NOL10: variants seen among roughly 807,000 people sequenced by gnomAD.
NOL10 encodes the protein nucleolar protein 10.
Under a neutral mutation model 103.5 loss-of-function variants are expected in NOL10, and 58 were observed. That is an observed-to-expected ratio of 0.56 (90% CI 0.45 to 0.70). The LOEUF (loss-of-function observed/expected upper bound fraction) is 0.70, where lower values mean the gene tolerates loss of function less well. Ranked by LOEUF, NOL10 falls within the 30% of genes least tolerant of loss-of-function variation. The pLI, the probability that NOL10 is intolerant of heterozygous loss-of-function variation, is 0.00. For synonymous variants in NOL10, 287 were observed against 282.5 expected (o/e 1.02, Z -0.16); for missense variants, 763 against 807.3 (o/e 0.95, Z 0.67).
Position 10,642,232 on chromosome 2 carries a change from C to T in NOL10, c.1026+2088G>A, listed in dbSNP as rs527236534. Among the ~76,000 whole-genome samples the T allele has an allele frequency of 1.6e-4, 25 of 152,262 alleles. 1 individual carries two copies. The South Asian group carries it at 5.0e-3, about 30-fold the overall frequency. On this transcript the variant is annotated intron_variant, in intron 13 of 20. Coordinates refer to ENST00000381685, the MANE Select transcript of NOL10 (RefSeq NM_024894.4). The stretch of plus-strand genomic sequence containing the variant: ...ATCAATGAACACCTCTGAGACATGC[C>T]ACCAGGCAATTCAAGGATGAATCGT...
intron 13 of NOL10, among the ~76,000 whole-genome samples, chr2:10,610,076 T>C (rs1183278855): frequency 6.6e-6 from 1 of 152,214 alleles, no homozygotes; most frequent in African/African-American, 2.4e-5. Flanking sequence ...AACACTCAAA[T>C]ACCTCACCAT....
chr2:10,656,409 C>T (rs1042582965), intron 11 of NOL10, among the ~76,000 whole-genome samples: 2 of 152,124 alleles, frequency 1.3e-5, no homozygotes, highest in Non-Finnish European at 2.9e-5. Context: ...AGACTGAAAG[C>T]CTGTCTTTTC....
chr2:10,620,708 T>C (rs1572306312), intron 13 of NOL10, among the ~76,000 whole-genome samples: 1 of 151,064 alleles, frequency 6.6e-6, no homozygotes, highest in Non-Finnish European at 1.5e-5. Context: ...CCCACAAACA[T>C]GTGATAATAT....
chr2:10,579,208 CA>C (rs1213161921), intron 19 of NOL10, among the ~76,000 whole-genome samples: 1 of 152,168 alleles, frequency 6.6e-6, no homozygotes, highest in Non-Finnish European at 1.5e-5. Flanking sequence ...AAGTGGTTAG[CA>C]TAAAAGTGGC....
intron 10 of NOL10, among the ~76,000 whole-genome samples, chr2:10,658,417 A>G (rs778416796): frequency 6.6e-6 from 1 of 152,174 alleles, no homozygotes; most frequent in Non-Finnish European, 1.5e-5. Context: ...TGACAAAGAA[A>G]GTAAATCCTC....
chr2:10,607,762 A>ATTATTATTG (rs1467779127), intron 13 of NOL10, among the ~76,000 whole-genome samples: 1 of 149,434 alleles, frequency 6.7e-6, no homozygotes, highest in African/African-American at 2.4e-5. Flanking sequence ...TATTATTATT[A>ATTATTATTG]TTATTATTAT....
chr2:10,584,053 G>A (rs1674897758), intron 19 of NOL10, among the ~76,000 whole-genome samples: 1 of 152,156 alleles, frequency 6.6e-6, no homozygotes. Flanking sequence ...GCTGTAGGAA[G>A]GCACCCCCAA....
rs1166412926 is a variant in NOL10, at chr2:10,571,287, C to T, written c.*784G>A. On this transcript the variant is annotated 3_prime_UTR_variant, in exon 21 of 21. Coordinates refer to ENST00000381685, the MANE Select transcript of NOL10 (RefSeq NM_024894.4). ...TTTGCCCTCCTCCTCTGGCTCTAGCCACGCAGGACATACCTGCTTCCGCTT... is the reference window on the plus strand; with the variant it reads ...TTTGCCCTCCTCCTCTGGCTCTAGCTACGCAGGACATACCTGCTTCCGCTT... 6.6e-6 allele frequency: 1 copy of T among 152,406 alleles called. No homozygotes were observed. The highest frequency in any genetic ancestry group is 1.5e-5 in the Non-Finnish European group (1 of 68,248). 9.4% of individuals were successfully genotyped at this position (152,406 alleles called of 1,614,324 possible). A position where few individuals can be genotyped will look rare whatever the true frequency, so the allele number is the denominator to read the frequency against.
rs869294782 is a variant in NOL10, at chr2:10,638,483, C to CTTTTTTT, written c.1026+5830_1026+5836dup. Among the ~76,000 whole-genome samples the CTTTTTTT allele has an allele frequency of 2.3e-3, 178 of 77,762 alleles. 39 individuals are homozygous for CTTTTTTT. Among genetic ancestry groups the CTTTTTTT allele is most frequent in the East Asian group, 0.015 (33 of 2,184 alleles). The allele number at this position is 77,762 out of a possible 152,430, so 51.0% of individuals were successfully genotyped here. A position where few individuals can be genotyped will look rare whatever the true frequency, so the allele number is the denominator to read the frequency against. On this transcript the variant is annotated intron_variant, in intron 13 of 20. Transcript: ENST00000381685. The stretch of plus-strand genomic sequence containing the variant: ...GCACATACCCTTATAGCTGAATTCC[C>CTTTTTTT]TTTTTTTTTTTTTTTTTTTTTTTTT...
At position 10,657,906 on chromosome 2, in the gene NOL10, T is replaced by C; in HGVS notation, c.757-15A>G. ...TATAATAAAACCTGAAAAAAAATTA[T>C]TTCTGTTTAAACAAACTAGACATTT... On this transcript the variant is annotated splice_polypyrimidine_tract_variant and intron_variant, in intron 10 of 20. Transcript: ENST00000381685. 1 of 1,502,144 alleles carries C rather than the reference T, an allele frequency of 6.7e-7. No individual in the cohort carries two copies. The highest frequency in any genetic ancestry group is 8.9e-7 in the Non-Finnish European group (1 of 1,121,968). 93.1% of individuals were successfully genotyped at this position (1,502,144 alleles called of 1,614,324 possible).
intron 20 of NOL10, among the ~76,000 whole-genome samples, chr2:10,576,344 C>T (rs1674449345): frequency 1.3e-5 from 2 of 152,148 alleles, no homozygotes; most frequent in Non-Finnish European, 2.9e-5. Flanking sequence ...GCTACACTAG[C>T]AATTCTGCTC....
At chr2:10,576,720 TG>T (rs950884189) in intron 20 of NOL10, among the ~76,000 whole-genome samples, 5 of 152,094 alleles carry the variant, frequency 3.3e-5, no homozygotes, top group Non-Finnish European at 7.4e-5. Context: ...GATGAAAAGA[TG>T]GGGGTAAATG....
intron 8 of NOL10, among the ~76,000 whole-genome samples, chr2:10,665,027 A>G (rs1380758180): frequency 1.3e-5 from 2 of 152,242 alleles, no homozygotes; most frequent in African/African-American, 4.8e-5. Context: ...AAGATGTTTT[A>G]AGATTGTTTA....
In NOL10 at chr2:10,650,707, A is replaced by G. The variant is rs1170181953; in HGVS notation, c.973+3774T>C. Among the ~76,000 whole-genome samples the G allele has an allele frequency of 2.0e-5, 3 of 152,060 alleles. No homozygotes were observed. In the East Asian group the frequency reaches 5.8e-4, roughly 29 times the overall value. ...GGGGTTCAAGGCTGCAGTGAGCTAT[A>G]ATTGTGCCACTACACTCTAGCTTAG... On this transcript the variant is annotated intron_variant, in intron 12 of 20. Coordinates refer to ENST00000381685, the MANE Select transcript of NOL10 (RefSeq NM_024894.4).
chr2:10,607,391 G>T, intron 13 of NOL10, 80 bp from the exon 14 acceptor site: 1 of 1,425,734 alleles, frequency 7.0e-7, no homozygotes, highest in Non-Finnish European at 9.3e-7. Flanking sequence ...ACCAGATTTT[G>T]TTAAACATGA....
intron 13 of NOL10, among the ~76,000 whole-genome samples, chr2:10,642,049 A>G (rs1296860358): frequency 1.3e-5 from 2 of 152,230 alleles, no homozygotes; most frequent in African/African-American, 2.4e-5. Flanking sequence ...AGCACTTCTA[A>G]GAGGAAGATG....
At chr2:10,638,483 C>CTTTT (rs869294782) in intron 13 of NOL10, among the ~76,000 whole-genome samples, 5,335 of 77,684 alleles carry the variant, frequency 0.069, 1,049 homozygotes, top group Admixed American at 0.089. Context: ...GCTGAATTCC[C>CTTTT]TTTTTTTTTT....
chr2:10,640,988 A>G (rs1268289158), intron 13 of NOL10, among the ~76,000 whole-genome samples: 2 of 151,812 alleles, frequency 1.3e-5, no homozygotes, highest in African/African-American at 4.8e-5. Flanking sequence ...GTTCAAGACC[A>G]GTCTGGCCAA....
chr2:10,637,667 T>C (rs757700358), intron 13 of NOL10, among the ~76,000 whole-genome samples: 1 of 152,254 alleles, frequency 6.6e-6, no homozygotes, highest in Non-Finnish European at 1.5e-5. Context: ...TTGGTTTGCG[T>C]GCCTCTGTGA....
Sources: gnomAD v4.1 joint callset for allele counts (sites outside exome capture counted in the v4.1 genomes callset) on GRCh38, gnomAD v4.1.1 for gene constraint, MANE v1.5 for transcripts, NCBI Gene and HGNC (gene_info 2026-07-23, HGNC 2026-07-21) for gene names.